Variants in YTHDF2 observed in about 807,000 individuals in gnomAD.
The protein encoded by YTHDF2 is YTH domain-containing family protein 2.
A neutral mutation model predicts 50.4 loss-of-function variants in YTHDF2; 2 were observed. That is an observed-to-expected ratio of 0.04 (90% confidence interval 0.02 to 0.12). The LOEUF (loss-of-function observed/expected upper bound fraction) is 0.12, where lower values mean the gene tolerates loss of function less well. Among genes scored for constraint, YTHDF2 ranks in the 10% least tolerant of loss-of-function variants. The pLI, the probability that YTHDF2 is intolerant of heterozygous loss-of-function variation, is 1.00. For missense variants in YTHDF2, 483 were observed against 722.6 expected, an observed-to-expected ratio of 0.67 and a Z score of 3.80; for synonymous variants, 217 against 255.6, an observed-to-expected ratio of 0.85 and a Z score of 1.44.
At chr1:28,763,721 C>T (rs1392762162) in intron 4 of YTHDF2, among the ~76,000 whole-genome samples, 1 of 149,976 alleles carries the variant, frequency 6.7e-6, no homozygotes, top group African/African-American at 2.4e-5. Flanking sequence ...TCCCAAAGTG[C>T]TGGGATCACA....
At chr1:28,739,219 C>A (rs1178838413) in intron 3 of YTHDF2, 1 of 152,138 alleles carries the variant, frequency 6.6e-6, no homozygotes, top group Non-Finnish European at 1.5e-5. Flanking sequence ...AAAATAGTCA[C>A]CTGAACTTCA....
chr1:28,747,165 T>TAC (rs1365711656), intron 4 of YTHDF2, among the ~76,000 whole-genome samples: 2 of 152,326 alleles, frequency 1.3e-5, no homozygotes, highest in African/African-American at 4.8e-5. Context: ...TTGAACTTGA[T>TAC]ATGTAGGTGT....
At chr1:28,748,374 T>G (rs1269320087) in intron 4 of YTHDF2, among the ~76,000 whole-genome samples, 2 of 152,120 alleles carry the variant, frequency 1.3e-5, no homozygotes, top group Non-Finnish European at 2.9e-5. Flanking sequence ...AGGTGAAGTG[T>G]TTGTGTGTGT....
intron 4 of YTHDF2, among the ~76,000 whole-genome samples, chr1:28,749,470 A>G (rs2087915882): frequency 1.3e-5 from 2 of 151,916 alleles, no homozygotes. Context: ...GTGAGCCACC[A>G]CCACACCCAG....
chr1:28,752,354 G>C (rs1400287949), intron 4 of YTHDF2, among the ~76,000 whole-genome samples: 1 of 152,170 alleles, frequency 6.6e-6, no homozygotes, highest in Admixed American at 6.5e-5. Flanking sequence ...CTGGAGTGCA[G>C]TGCAGTGGCA....
chr1:28,742,046 A>G (rs1265586956), intron 3 of YTHDF2, among the ~76,000 whole-genome samples: 1 of 100,678 alleles, frequency 9.9e-6, no homozygotes, highest in Non-Finnish European at 2.0e-5. Flanking sequence ...TGTGCTGCAC[A>G]CTTTTTTTTT....
chr1:28,758,086 C>T (rs1476405876), intron 4 of YTHDF2, among the ~76,000 whole-genome samples: 1 of 152,088 alleles, frequency 6.6e-6, no homozygotes. Flanking sequence ...TGTTTTTAGG[C>T]CATGCTATAT....
At chr1:28,751,594 C>G (rs956296274) in intron 4 of YTHDF2, among the ~76,000 whole-genome samples, 3 of 152,294 alleles carry the variant, frequency 2.0e-5, no homozygotes, top group South Asian at 2.1e-4. Context: ...TAAAACGCCT[C>G]TTTCTGCAGC....
intron 1 of YTHDF2, 155 bp downstream of exon 1, chr1:28,737,302 C>G: frequency 1.0e-6 from 1 of 985,860 alleles, no homozygotes; most frequent in Non-Finnish European, 1.4e-6. Context: ...CGCCCGGCGC[C>G]TCTCCCTCAG....
intron 4 of YTHDF2, among the ~76,000 whole-genome samples, chr1:28,757,433 A>G (rs1183829736): frequency 9.5e-6 from 1 of 105,538 alleles, no homozygotes; most frequent in African/African-American, 3.2e-5. Flanking sequence ...CAGTTGTTCT[A>G]CTTTCCAACT....
At chr1:28,738,131 C>T in intron 2 of YTHDF2, 128 bp from the exon 3 acceptor site, 3 of 705,288 alleles carry the variant, frequency 4.3e-6, no homozygotes, top group Non-Finnish European at 7.3e-6. Flanking sequence ...TCATCTCTTA[C>T]CCTTTTGAAG....
chr1:28,760,811 C>T (rs369910945), intron 4 of YTHDF2, among the ~76,000 whole-genome samples: 1 of 152,068 alleles, frequency 6.6e-6, no homozygotes, highest in Non-Finnish European at 1.5e-5. Context: ...AACTCCTGAT[C>T]TCAGGTGATC....
chr1:28,746,766 C>G (rs975672237), intron 4 of YTHDF2, among the ~76,000 whole-genome samples: 7 of 150,104 alleles, frequency 4.7e-5, no homozygotes, highest in Non-Finnish European at 1.5e-5. Flanking sequence ...TCTAAACAAA[C>G]AAGTAGCAAA....
intron 4 of YTHDF2, among the ~76,000 whole-genome samples, chr1:28,747,077 T>G (rs917858153): frequency 5.3e-5 from 8 of 150,300 alleles, no homozygotes; most frequent in Non-Finnish European, 1.2e-4. Flanking sequence ...AGTGAAACTC[T>G]GTCTCAAAAA....
intron 3 of YTHDF2, among the ~76,000 whole-genome samples, chr1:28,741,276 G>A (rs1055652421): frequency 1.3e-5 from 2 of 152,114 alleles, no homozygotes; most frequent in East Asian, 1.9e-4. Flanking sequence ...GGAATTACAG[G>A]CGTGAGCCAC....
chr1:28,744,729 C>T (rs1412680416), intron 4 of YTHDF2, among the ~76,000 whole-genome samples: 1 of 152,120 alleles, frequency 6.6e-6, no homozygotes, highest in Non-Finnish European at 1.5e-5. Flanking sequence ...AGTGCAGTGG[C>T]ATGATGTCCG....
chr1:28,756,630 G>A (rs2088039459), intron 4 of YTHDF2, among the ~76,000 whole-genome samples: 1 of 152,114 alleles, frequency 6.6e-6, no homozygotes, highest in South Asian at 2.1e-4. Context: ...CATGGAAGAT[G>A]AGGTAGAGGG....
chr1:28,737,536 C>G, intron 1 of YTHDF2, 122 bp from the exon 2 acceptor site: 6 of 1,354,154 alleles, frequency 4.4e-6, no homozygotes, highest in Non-Finnish European at 6.2e-6. Context: ...CACTACCATT[C>G]CTGACGCCTC....
chr1:28,759,167 G>A (rs2088077061), intron 4 of YTHDF2, among the ~76,000 whole-genome samples: 1 of 152,188 alleles, frequency 6.6e-6, no homozygotes, highest in Non-Finnish European at 1.5e-5. Flanking sequence ...CTCTACAAGT[G>A]ATTCTCCTGT....
Sources: allele counts gnomAD v4.1 joint callset (sites outside exome capture counted in the v4.1 genomes callset), GRCh38; gene constraint gnomAD v4.1.1; transcripts MANE v1.5; gene names NCBI Gene and HGNC (gene_info 2026-07-23, HGNC 2026-07-21).